BICC1: variants seen among roughly 807,000 people sequenced by gnomAD.
BICC1 encodes protein bicaudal C homolog 1.
A neutral mutation model predicts 111.0 loss-of-function variants in BICC1; 43 were observed. The ratio of observed to expected loss-of-function variants is 0.39; its 90% CI spans 0.30 to 0.50. The LOEUF is 0.50. Among genes scored for constraint, BICC1 ranks in the 20% least tolerant of loss-of-function variants. The probability of loss-of-function intolerance (pLI) is 0.88; values close to 1 mark genes in which losing one functional copy is unlikely to be tolerated. For missense variants in BICC1, 1,091 were observed against 1,203.2 expected (o/e 0.91, Z 1.38); for synonymous variants, 467 against 434.4 (o/e 1.07, Z -0.93).
intron 2 of BICC1, among the ~76,000 whole-genome samples, chr10:58,693,944 T>A (rs1255793474): frequency 6.6e-6 from 1 of 152,218 alleles, no homozygotes; most frequent in Non-Finnish European, 1.5e-5. Flanking sequence ...ACCATGCCTA[T>A]GTCCTGAATG....
At chr10:58,795,354 G>A (rs1164522680) in intron 9 of BICC1, among the ~76,000 whole-genome samples, 2 of 152,154 alleles carry the variant, frequency 1.3e-5, no homozygotes, top group Admixed American at 6.6e-5. Context: ...TTTAAAGTTA[G>A]GGAACAGGAC....
intron 2 of BICC1, among the ~76,000 whole-genome samples, chr10:58,672,093 C>T (rs1839201828): frequency 6.6e-6 from 1 of 152,160 alleles, no homozygotes; most frequent in Non-Finnish European, 1.5e-5. Context: ...ATATACATAA[C>T]ATGAAATTTA....
intron 2 of BICC1, among the ~76,000 whole-genome samples, chr10:58,693,947 C>T (rs796506151): frequency 4.1e-4 from 62 of 152,298 alleles, no homozygotes; most frequent in African/African-American, 1.4e-3. Flanking sequence ...ATGCCTATGT[C>T]CTGAATGGTA....
intron 3 of BICC1, among the ~76,000 whole-genome samples, chr10:58,732,263 GGA>G (rs142434746): frequency 2.3e-4 from 33 of 144,486 alleles, no homozygotes; most frequent in Admixed American, 4.9e-4. Context: ...GTGGGGATGG[GGA>G]GAGAGAGAGA....
intron 3 of BICC1, among the ~76,000 whole-genome samples, chr10:58,711,728 T>C (rs1589049952): frequency 6.6e-6 from 1 of 152,096 alleles, no homozygotes; most frequent in African/African-American, 2.4e-5. Flanking sequence ...TGTACCAGGG[T>C]CAGAGAGGAA....
At chr10:58,702,400 T>G (rs1279310395) in intron 3 of BICC1, among the ~76,000 whole-genome samples, 1 of 152,218 alleles carries the variant, frequency 6.6e-6, no homozygotes, top group Non-Finnish European at 1.5e-5. Context: ...CAAGGATGCT[T>G]ATTCGATTGA....
At chr10:58,603,420 C>T (rs753279126) in intron 1 of BICC1, among the ~76,000 whole-genome samples, 2 of 152,078 alleles carry the variant, frequency 1.3e-5, no homozygotes, top group Non-Finnish European at 2.9e-5. Context: ...ATGCAGATTC[C>T]TGGGATCCCA....
At chr10:58,642,523 C>T (rs532480197) in intron 2 of BICC1, among the ~76,000 whole-genome samples, 37 of 152,152 alleles carry the variant, frequency 2.4e-4, no homozygotes, top group Non-Finnish European at 3.5e-4. Context: ...TTTGCAAAAC[C>T]GTGCCCTCAA....
At position 58,818,100 on chromosome 10, in the gene BICC1, A is replaced by T. The variant is rs188826894; in HGVS notation, c.2694+378A>T. ...GTTGTTATCTTTATTTGTGGCACTT[A>T]AAAGTAAATAACAGCATCTGAAATA... is the stretch of plus-strand genomic sequence containing the variant. On this transcript the variant is annotated intron_variant, in intron 19 of 20. Coordinates refer to ENST00000373886, the MANE Select transcript of BICC1 (RefSeq NM_001080512.3). Among the ~76,000 whole-genome samples, 26 of 152,332 alleles carry T rather than the reference A, an allele frequency of 1.7e-4. No individual in the cohort carries two copies. In the East Asian group the frequency reaches 4.4e-3, roughly 26 times the overall value.
intron 2 of BICC1, among the ~76,000 whole-genome samples, chr10:58,637,272 A>G (rs989880280): frequency 8.5e-5 from 13 of 152,158 alleles, no homozygotes; most frequent in Admixed American, 4.6e-4. Flanking sequence ...GGTTGCTATT[A>G]GAAATATGTT....
intron 2 of BICC1, among the ~76,000 whole-genome samples, chr10:58,635,828 G>A (rs987428079): frequency 5.9e-5 from 9 of 152,072 alleles, no homozygotes; most frequent in African/African-American, 2.2e-4. Context: ...CAACTAGAAC[G>A]TCTTTTTTTC....
At chr10:58,762,056 C>T (rs1056627785) in intron 3 of BICC1, among the ~76,000 whole-genome samples, 5 of 152,050 alleles carry the variant, frequency 3.3e-5, no homozygotes, top group African/African-American at 1.2e-4. Flanking sequence ...GCACCGCCCT[C>T]GCTCTCAGTG....
At chr10:58,644,464 G>A (rs546672032) in intron 2 of BICC1, among the ~76,000 whole-genome samples, 1 of 152,124 alleles carries the variant, frequency 6.6e-6, no homozygotes, top group Admixed American at 6.5e-5. Context: ...CTGTTAGTCT[G>A]TGCAGCACAG....
intron 1 of BICC1, among the ~76,000 whole-genome samples, chr10:58,585,116 G>A (rs1030824629): frequency 2.6e-5 from 4 of 152,054 alleles, no homozygotes; most frequent in African/African-American, 7.2e-5. Context: ...TTTGTGAACC[G>A]GATCAATAAT....
intron 1 of BICC1, among the ~76,000 whole-genome samples, chr10:58,618,254 A>G (rs550352931): frequency 8.5e-5 from 13 of 152,302 alleles, no homozygotes; most frequent in Non-Finnish European, 1.6e-4. Flanking sequence ...GAGTGTAAGG[A>G]AAATGGATCT....
In BICC1 at chr10:58,702,163, G is replaced by A; in HGVS notation, c.307+20G>A. On this transcript the variant is annotated intron_variant, in intron 3 of 20. Transcript: ENST00000373886. ...AGAAAGGTAAATTGTGAGAGGGCAA[G>A]AAATAGGTGGTTTTGATAACTGAGA... is the stretch of plus-strand genomic sequence containing the variant. 1 of 1,592,902 alleles carries A rather than the reference G, an allele frequency of 6.3e-7. No individual in the cohort carries two copies. Among genetic ancestry groups the A allele is most frequent in the Non-Finnish European group, 8.6e-7 (1 of 1,162,392 alleles).
chr10:58,755,686 AT>A (rs921873059), intron 3 of BICC1, among the ~76,000 whole-genome samples: 23 of 147,416 alleles, frequency 1.6e-4, no homozygotes, highest in South Asian at 4.4e-4. Context: ...TCTCCTTTTT[AT>A]TTTTTTTTTC....
At chr10:58,622,268 A>G (rs73290185) in intron 2 of BICC1, among the ~76,000 whole-genome samples, 2,141 of 152,332 alleles carry the variant, frequency 0.014, 56 homozygotes, top group African/African-American at 0.049. Flanking sequence ...AGATGCTGTC[A>G]GTGGAAGGAT....
chr10:58,516,012 A>T (rs939871204), intron 1 of BICC1, among the ~76,000 whole-genome samples: 12 of 152,210 alleles, frequency 7.9e-5, no homozygotes, highest in African/African-American at 2.9e-4. Flanking sequence ...CTAAAGAAGT[A>T]AGTCTATCAA....
Sources: allele counts gnomAD v4.1 joint callset (sites outside exome capture counted in the v4.1 genomes callset), GRCh38; gene constraint gnomAD v4.1.1; transcripts MANE v1.5; gene names NCBI Gene and HGNC (gene_info 2026-07-23, HGNC 2026-07-21).